Variants in CACNA2D3 observed in about 807,000 individuals in gnomAD.
The protein encoded by CACNA2D3 is voltage-dependent calcium channel subunit alpha-2/delta-3.
A neutral mutation model predicts 160.6 loss-of-function variants in CACNA2D3; 60 were observed. The observed-to-expected ratio is 0.37, with a 90% CI of 0.30 to 0.46. CACNA2D3 has a LOEUF of 0.46. Among genes scored for constraint, CACNA2D3 ranks in the 20% least tolerant of loss-of-function variants. The pLI, the probability that CACNA2D3 is intolerant of heterozygous loss-of-function variation, is 1.00. For missense variants in CACNA2D3, 1,205 were observed against 1,365.0 expected, an observed-to-expected ratio of 0.88 and a Z score of 1.85; for synonymous variants, 558 against 492.9, an observed-to-expected ratio of 1.13 and a Z score of -1.75.
chr3:54,657,308 G>T (rs1276953794), intron 11 of CACNA2D3, among the ~76,000 whole-genome samples: 1 of 152,150 alleles, frequency 6.6e-6, no homozygotes, highest in African/African-American at 2.4e-5. Context: ...CACAGCCCAG[G>T]TGATAAACAT....
rs76518765 is a variant in CACNA2D3 at position 54,282,609 on chromosome 3, G to T, written c.205-37833G>T. 3.8e-3 allele frequency among the ~76,000 whole-genome samples: 585 copies of T among 152,314 alleles called. 14 individuals carry two copies. In the East Asian group the frequency reaches 0.062, roughly 16 times the overall value. On this transcript the variant is annotated intron_variant, in intron 2 of 37. Transcript: ENST00000474759. ...AGGAAAAGAAGTGACTGTATTCAGT[G>T]ATGTTACTGTCCTTGTGATTCTTAA...
chr3:54,524,364 C>T (rs531602887), intron 5 of CACNA2D3, among the ~76,000 whole-genome samples: 3 of 152,174 alleles, frequency 2.0e-5, no homozygotes, highest in Non-Finnish European at 4.4e-5. Context: ...TCAGAACATA[C>T]ACTTTTGATT....
At chr3:54,527,594 A>G (rs1479042937) in intron 5 of CACNA2D3, among the ~76,000 whole-genome samples, 2 of 152,174 alleles carry the variant, frequency 1.3e-5, no homozygotes, top group Admixed American at 6.5e-5. Flanking sequence ...TGCCCAAAAT[A>G]AAGACTTCGA....
chr3:54,474,569 G>A (rs1232291401), intron 4 of CACNA2D3, among the ~76,000 whole-genome samples: 2 of 151,678 alleles, frequency 1.3e-5, no homozygotes, highest in Non-Finnish European at 2.9e-5. Context: ...AAAGCATATA[G>A]TAGACCACCT....
intron 11 of CACNA2D3, among the ~76,000 whole-genome samples, chr3:54,704,153 T>C (rs1374845566): frequency 6.6e-6 from 1 of 152,178 alleles, no homozygotes; most frequent in Non-Finnish European, 1.5e-5. Flanking sequence ...ACTCCAGCTG[T>C]ATTGCCAATG....
intron 2 of CACNA2D3, among the ~76,000 whole-genome samples, chr3:54,209,936 G>A (rs1490027371): frequency 6.6e-6 from 1 of 152,150 alleles, no homozygotes; most frequent in Non-Finnish European, 1.5e-5. Context: ...TTTAGTTTAT[G>A]GGGATGTTTG....
intron 4 of CACNA2D3, among the ~76,000 whole-genome samples, chr3:54,486,918 C>G (rs1029747075): frequency 1.3e-5 from 2 of 152,160 alleles, no homozygotes; most frequent in African/African-American, 4.8e-5. Flanking sequence ...CAGCATTTGC[C>G]TGTTTCTCTA....
At chr3:55,013,344 G>C (rs1229648647) in intron 34 of CACNA2D3, among the ~76,000 whole-genome samples, 1 of 152,162 alleles carries the variant, frequency 6.6e-6, no homozygotes, top group Non-Finnish European at 1.5e-5. Flanking sequence ...TACTGCACTG[G>C]AATTGTCTCA....
Position 54,854,282 on chromosome 3 carries a change from AGCCTTGT to A in CACNA2D3, c.1626+7817_1626+7823del, listed in dbSNP as rs1268943625. Reference sequence around the variant, plus strand: ...AAAAAAAGAAAGAAAAAGAAAACAGAGCCTTGTGTGCTTTCTTCCTGACGGAATTGGT... The same window carrying A: ...AAAAAAAGAAAGAAAAAGAAAACAGAGTGCTTTCTTCCTGACGGAATTGGT... On this transcript the variant is annotated intron_variant, in intron 17 of 37. Coordinates refer to ENST00000474759, the MANE Select transcript of CACNA2D3 (RefSeq NM_018398.3). Among the ~76,000 whole-genome samples, 39 of 152,260 alleles carry A rather than the reference AGCCTTGT, an allele frequency of 2.6e-4. 1 individual carries two copies. The highest frequency in any genetic ancestry group is 8.7e-4 in the African/African-American group (36 of 41,558).
chr3:54,654,193 G>A (rs116687293), intron 11 of CACNA2D3, among the ~76,000 whole-genome samples: 3 of 152,012 alleles, frequency 2.0e-5, no homozygotes, highest in East Asian at 1.9e-4. Context: ...GCAGTGGGGG[G>A]TCTTGCCAAA....
chr3:54,428,405 C>T (rs1699939968), intron 4 of CACNA2D3, among the ~76,000 whole-genome samples: 2 of 152,104 alleles, frequency 1.3e-5, no homozygotes, highest in South Asian at 4.1e-4. Flanking sequence ...GGATGAGGCA[C>T]TGGGGGCCGA....
intron 2 of CACNA2D3, among the ~76,000 whole-genome samples, chr3:54,130,520 C>T (rs1699685943): frequency 6.6e-6 from 1 of 152,202 alleles, no homozygotes; most frequent in South Asian, 2.1e-4. Context: ...TTTCTGCATT[C>T]CAGGTACTGT....
intron 4 of CACNA2D3, among the ~76,000 whole-genome samples, chr3:54,481,287 A>C (rs529352410): frequency 6.6e-6 from 1 of 152,182 alleles, no homozygotes; most frequent in Non-Finnish European, 1.5e-5. Context: ...CTCCCCTCTG[A>C]TGTTTCATTT....
At chr3:54,879,238 T>C (rs768959306) in intron 19 of CACNA2D3, 112 bp from the exon 20 acceptor site, 35 of 891,300 alleles carry the variant, frequency 3.9e-5, no homozygotes, top group East Asian at 7.7e-5. Context: ...CATGTAGTAC[T>C]GTTAACCTGA....
intron 35 of CACNA2D3, among the ~76,000 whole-genome samples, chr3:55,043,380 A>C (rs1265193626): frequency 7.1e-6 from 1 of 141,276 alleles, no homozygotes; most frequent in Admixed American, 7.4e-5. Flanking sequence ...GTGGCATCTC[A>C]TTGTGGTTTT....
rs544829650 is a variant in CACNA2D3 at position 54,123,612 on chromosome 3, G to A, written c.204+18G>A. On this transcript the variant is annotated intron_variant, in intron 2 of 37. Transcript: ENST00000474759. ...TGCAAAAGGTAAGGTTTCTGTGGTGGCAGGAAGCGATGATTTTTCCGGCAC... is the reference window on the plus strand; with the variant it reads ...TGCAAAAGGTAAGGTTTCTGTGGTGACAGGAAGCGATGATTTTTCCGGCAC... The A allele has an allele frequency of 1.2e-6, 2 of 1,602,548 alleles. No homozygotes were observed. The highest frequency in any genetic ancestry group is 1.7e-5 in the Admixed American group (1 of 59,990).
At chr3:54,667,558 G>A (rs556479610) in intron 11 of CACNA2D3, among the ~76,000 whole-genome samples, 1 of 152,314 alleles carries the variant, frequency 6.6e-6, no homozygotes, top group South Asian at 2.1e-4. Context: ...TGCATTGCCT[G>A]TCATCACACA....
At chr3:54,465,356 C>T (rs778152763) in intron 4 of CACNA2D3, among the ~76,000 whole-genome samples, 1 of 152,142 alleles carries the variant, frequency 6.6e-6, no homozygotes, top group Non-Finnish European at 1.5e-5. Flanking sequence ...CAAGCACATT[C>T]ACATTACTTT....
intron 27 of CACNA2D3, among the ~76,000 whole-genome samples, chr3:54,930,485 G>C (rs886803455): frequency 6.6e-6 from 1 of 152,172 alleles, no homozygotes; most frequent in Non-Finnish European, 1.5e-5. Context: ...TGTCTATAAG[G>C]CCCAGCTGGG....
Sources: gnomAD v4.1 joint callset for allele counts (sites outside exome capture counted in the v4.1 genomes callset) on GRCh38, gnomAD v4.1.1 for gene constraint, MANE v1.5 for transcripts, NCBI Gene and HGNC (gene_info 2026-07-23, HGNC 2026-07-21) for gene names.